The following ZCCHC7 variants were observed in gnomAD, a reference collection of about 807,000 sequenced individuals.
ZCCHC7 encodes zinc finger CCHC-type containing 7.
A neutral mutation model predicts 52.0 loss-of-function variants in ZCCHC7; 35 were observed. The ratio of observed to expected loss-of-function variants is 0.67; its 90% CI spans 0.51 to 0.89. The LOEUF is 0.89. Among genes scored for constraint, ZCCHC7 ranks in the 40% least tolerant of loss-of-function variants. ZCCHC7 has a pLI of 0.00. For missense variants in ZCCHC7, 574 were observed against 649.1 expected (o/e 0.88, Z 1.26); for synonymous variants, 217 against 221.5 (o/e 0.98, Z 0.18).
chr9:37,350,076 C>T (rs984934214), intron 7 of ZCCHC7, among the ~76,000 whole-genome samples: 1 of 151,830 alleles, frequency 6.6e-6, no homozygotes, highest in African/African-American at 2.4e-5. Context: ...GCGTGAGCTA[C>T]CACACCTGGC....
chr9:37,330,540 A>C (rs1312195197), intron 6 of ZCCHC7, among the ~76,000 whole-genome samples: 2 of 151,644 alleles, frequency 1.3e-5, no homozygotes, highest in Non-Finnish European at 3.0e-5. Flanking sequence ...TTTGGAGACC[A>C]TGAAAAAAAG....
Position 37,120,838 on chromosome 9 carries a change from C to T in ZCCHC7, c.-22+215C>T, listed in dbSNP as rs1321600853. 2.0e-5 allele frequency: 5 copies of T among 253,344 alleles called. 1 individual carries two copies. The highest frequency in any genetic ancestry group is 5.5e-5 in the Admixed American group (1 of 18,084). The allele number at this position is 253,344 out of a possible 1,614,324, so 15.7% of individuals were successfully genotyped here. ...GCGGGTCTAGGGGGTCCGCGTCTCC[C>T]TGGCTTTCCAAGGGCTAATGCCGTG... On this transcript the variant is annotated intron_variant, in intron 1 of 8. Coordinates refer to ENST00000336755, the MANE Select transcript of ZCCHC7 (RefSeq NM_032226.3).
chr9:37,286,541 G>A (rs1304826394), intron 2 of ZCCHC7, among the ~76,000 whole-genome samples: 4 of 151,716 alleles, frequency 2.6e-5, no homozygotes, highest in Non-Finnish European at 4.4e-5. Context: ...TCAGCTACTC[G>A]GGAGGCCAAG....
At chr9:37,306,399 C>A in intron 5 of ZCCHC7, among the ~76,000 whole-genome samples, 1 of 151,458 alleles carries the variant, frequency 6.6e-6, no homozygotes, top group Non-Finnish European at 1.5e-5. Context: ...AAAATATATG[C>A]ACAATTAGCA....
intron 2 of ZCCHC7, among the ~76,000 whole-genome samples, chr9:37,219,444 T>A (rs1824697287): frequency 6.6e-6 from 1 of 152,144 alleles, no homozygotes; most frequent in South Asian, 2.1e-4. Flanking sequence ...ATGGCTTAAC[T>A]TCTGCTATAT....
intron 2 of ZCCHC7, among the ~76,000 whole-genome samples, chr9:37,128,910 A>G (rs942815485): frequency 3.3e-5 from 5 of 152,234 alleles, no homozygotes; most frequent in African/African-American, 1.2e-4. Context: ...ATAAGCATTT[A>G]GCTTATTCTT....
Position 37,305,524 on chromosome 9 carries a change from A to G in ZCCHC7, c.781-20A>G, listed in dbSNP as rs1829257183. On this transcript the variant is annotated intron_variant, in intron 4 of 8. Coordinates refer to ENST00000336755, the MANE Select transcript of ZCCHC7 (RefSeq NM_032226.3). ...TACCTTTTGAGACTGAAGAGATTTT[A>G]TGTTTTTTTCGCCACATAGAAAGTT... 2.5e-6 allele frequency: 4 copies of G among 1,611,960 alleles called. No individual in the cohort carries two copies. The highest frequency in any genetic ancestry group is 1.3e-5 in the African/African-American group (1 of 74,854).
intron 2 of ZCCHC7, among the ~76,000 whole-genome samples, chr9:37,203,808 G>A (rs1000753425): frequency 2.0e-4 from 31 of 152,198 alleles, no homozygotes; most frequent in South Asian, 6.2e-4. Context: ...TTTATATTCC[G>A]TTGGGTATAT....
At chr9:37,164,983 G>C (rs1821340100) in intron 2 of ZCCHC7, among the ~76,000 whole-genome samples, 4 of 152,158 alleles carry the variant, frequency 2.6e-5, no homozygotes, top group Admixed American at 2.6e-4. Flanking sequence ...AAAATATTTA[G>C]TATTCCAGAT....
chr9:37,204,783 TA>T (rs1823817106), intron 2 of ZCCHC7, among the ~76,000 whole-genome samples: 2 of 152,228 alleles, frequency 1.3e-5, no homozygotes, highest in South Asian at 4.1e-4. Flanking sequence ...TTGTCTTGGT[TA>T]TGTGGGCTCT....
At chr9:37,161,028 C>T (rs1476388556) in intron 2 of ZCCHC7, among the ~76,000 whole-genome samples, 1 of 151,508 alleles carries the variant, frequency 6.6e-6, no homozygotes, top group African/African-American at 2.4e-5. Flanking sequence ...CAGCTCACTG[C>T]ACTCTCCACC....
intron 2 of ZCCHC7, among the ~76,000 whole-genome samples, chr9:37,263,188 C>G (rs1419174429): frequency 6.6e-6 from 1 of 151,966 alleles, no homozygotes; most frequent in African/African-American, 2.4e-5. Context: ...AGACTCTAGA[C>G]TTGGGGACCT....
At chr9:37,325,277 T>G (rs976205615) in intron 5 of ZCCHC7, among the ~76,000 whole-genome samples, 1 of 152,234 alleles carries the variant, frequency 6.6e-6, no homozygotes, top group African/African-American at 2.4e-5. Context: ...CCCTTTGGGT[T>G]GCCATCCATC....
intron 2 of ZCCHC7, among the ~76,000 whole-genome samples, chr9:37,202,419 ATTGT>A (rs1245855403): frequency 2.0e-5 from 3 of 152,224 alleles, no homozygotes; most frequent in Admixed American, 2.0e-4. Flanking sequence ...GTTTGTTTTA[ATTGT>A]TTGTTTAATT....
rs751192205 is a variant in ZCCHC7, at chr9:37,126,338, G to C, written c.6G>C (p.Met2Ile). 4 of 1,609,326 alleles carry C rather than the reference G, an allele frequency of 2.5e-6. No homozygotes were observed. Among genetic ancestry groups the C allele is most frequent in the Non-Finnish European group, 3.4e-6 (4 of 1,177,768 alleles). ...TTCAAGGTTACTGACTTTTTATGATGTTTGGTGGCTATGAGACTATAGAAG... is the reference window on the plus strand; with the variant it reads ...TTCAAGGTTACTGACTTTTTATGATCTTTGGTGGCTATGAGACTATAGAAG... M[M>I]FGGYETIEAY... The change falls in exon 2 of 9, where the codon ATG becomes ATC. Residue 2 changes from methionine (M) to isoleucine (I), a missense_variant. Transcript: ENST00000336755.
At chr9:37,204,708 A>G (rs572000735) in intron 2 of ZCCHC7, among the ~76,000 whole-genome samples, 3 of 151,964 alleles carry the variant, frequency 2.0e-5, no homozygotes, top group African/African-American at 4.8e-5. Flanking sequence ...TGGTTACTGT[A>G]GCCTTGTAGT....
At chr9:37,341,585 G>A (rs1434884118) in intron 6 of ZCCHC7, among the ~76,000 whole-genome samples, 1 of 152,102 alleles carries the variant, frequency 6.6e-6, no homozygotes, top group Non-Finnish European at 1.5e-5. Flanking sequence ...TGTCAGATAT[G>A]ATAAGTGCCA....
intron 2 of ZCCHC7, among the ~76,000 whole-genome samples, chr9:37,154,333 C>T (rs1359230347): frequency 6.6e-6 from 1 of 152,176 alleles, no homozygotes; most frequent in African/African-American, 2.4e-5. Flanking sequence ...TAACCACCAT[C>T]TTGCATTGAC....
chr9:37,159,135 T>G (rs1820963022), intron 2 of ZCCHC7, among the ~76,000 whole-genome samples: 1 of 152,228 alleles, frequency 6.6e-6, no homozygotes, highest in South Asian at 2.1e-4. Context: ...TCTATTTCTC[T>G]CCGATTTATA....
Sources: gnomAD v4.1 joint callset for allele counts (sites outside exome capture counted in the v4.1 genomes callset) on GRCh38, gnomAD v4.1.1 for gene constraint, MANE v1.5 for transcripts, NCBI Gene and HGNC (gene_info 2026-07-23, HGNC 2026-07-21) for gene names.